PTPRD: variants seen among roughly 807,000 people sequenced by gnomAD.
PTPRD encodes the protein receptor-type tyrosine-protein phosphatase delta.
Under a neutral mutation model 214.5 loss-of-function variants are expected in PTPRD, and 34 were observed. The ratio of observed to expected loss-of-function variants is 0.16; its 90% CI spans 0.12 to 0.21. PTPRD has a LOEUF of 0.21. Ranked by LOEUF, PTPRD falls within the 10% of genes least tolerant of loss-of-function variation. The pLI, the probability that PTPRD is intolerant of heterozygous loss-of-function variation, is 1.00. For synonymous variants in PTPRD, 1,128 were observed against 845.7 expected (o/e 1.33, Z -5.79); for missense variants, 2,545 against 2,398.7 (o/e 1.06, Z -1.27).
At position 9,376,950 on chromosome 9, in the gene PTPRD, T is replaced by C. The variant is rs1328261026; in HGVS notation, c.-203+20499A>G. 4.6e-5 allele frequency among the ~76,000 whole-genome samples: 7 copies of C among 152,208 alleles called. No individual in the cohort carries two copies. The East Asian group carries it at 1.2e-3, about 25-fold the overall frequency. ...GCTAGGAGACCAAATCTCAGATCTA[T>C]ATTCTAGGGAGCACTCAATATAAAA... On this transcript the variant is annotated intron_variant, in intron 9 of 45. Transcript: ENST00000381196.
chr9:9,285,180 AT>A (rs1000432287), intron 9 of PTPRD, among the ~76,000 whole-genome samples: 4 of 151,526 alleles, frequency 2.6e-5, no homozygotes, highest in Non-Finnish European at 4.4e-5. Flanking sequence ...CAACTTTTTA[AT>A]TTTTTTCTCT....
At chr9:10,355,240 G>A (rs1464805661) in intron 2 of PTPRD, among the ~76,000 whole-genome samples, 1 of 152,048 alleles carries the variant, frequency 6.6e-6, no homozygotes, top group African/African-American at 2.4e-5. Flanking sequence ...ATAGAGCATT[G>A]TGTGAAATTT....
chr9:8,939,609 G>C (rs1588470098), intron 11 of PTPRD, among the ~76,000 whole-genome samples: 1 of 152,024 alleles, frequency 6.6e-6, no homozygotes. Flanking sequence ...ATTTCCAAAT[G>C]TGCTCTGCAC....
At chr9:9,604,474 T>C (rs967573794) in intron 7 of PTPRD, among the ~76,000 whole-genome samples, 2 of 152,102 alleles carry the variant, frequency 1.3e-5, no homozygotes, top group East Asian at 1.9e-4. Flanking sequence ...TTGTATGTTT[T>C]AGAATGTATG....
At chr9:9,149,670 AAGTT>A (rs2099874753) in intron 10 of PTPRD, among the ~76,000 whole-genome samples, 1 of 152,122 alleles carries the variant, frequency 6.6e-6, no homozygotes, top group South Asian at 2.1e-4. Context: ...ATGAAAAGTA[AAGTT>A]ATCTCACTTA....
intron 10 of PTPRD, among the ~76,000 whole-genome samples, chr9:9,055,527 C>G (rs1170997761): frequency 6.6e-6 from 1 of 152,046 alleles, no homozygotes; most frequent in Non-Finnish European, 1.5e-5. Flanking sequence ...GCCCAGCCAA[C>G]TTGGCACATA....
At chr9:8,835,050 C>A (rs868217050) in intron 11 of PTPRD, among the ~76,000 whole-genome samples, 2 of 152,092 alleles carry the variant, frequency 1.3e-5, no homozygotes, top group Non-Finnish European at 2.9e-5. Flanking sequence ...AGGCAAGGAC[C>A]CCAGGTTAAA....
chr9:9,649,130 G>A (rs1485221656), intron 7 of PTPRD, among the ~76,000 whole-genome samples: 1 of 152,108 alleles, frequency 6.6e-6, no homozygotes, highest in African/African-American at 2.4e-5. Flanking sequence ...TGTGACTAAT[G>A]AGATAGCGAC....
intron 10 of PTPRD, among the ~76,000 whole-genome samples, chr9:9,048,699 G>A (rs1247105239): frequency 6.6e-6 from 1 of 151,990 alleles, no homozygotes; most frequent in Non-Finnish European, 1.5e-5. Context: ...GGGGAGGTAG[G>A]GATGGTCTAT....
chr9:9,830,636 T>G (rs1450199081), intron 5 of PTPRD, among the ~76,000 whole-genome samples: 1 of 151,890 alleles, frequency 6.6e-6, no homozygotes, highest in Non-Finnish European at 1.5e-5. Context: ...CACCTGAGTG[T>G]GTTAGCCAAG....
rs185557583 is a variant in PTPRD at position 10,060,598 on chromosome 9, T to C, written c.-544-26808A>G. Among the ~76,000 whole-genome samples the C allele has an allele frequency of 8.6e-4, 131 of 152,116 alleles. 1 individual carries two copies. Among genetic ancestry groups the C allele is most frequent in the Admixed American group, 4.8e-3 (74 of 15,266 alleles). ...ATGTACATAAAAGGGAAATACAGTGTTAAAAGCAAATTGCATTTTTAATTG... is the reference window on the plus strand; with the variant it reads ...ATGTACATAAAAGGGAAATACAGTGCTAAAAGCAAATTGCATTTTTAATTG... On this transcript the variant is annotated intron_variant, in intron 3 of 45. Transcript: ENST00000381196.
Position 9,783,819 on chromosome 9 carries a change from G to GT in PTPRD, c.-367-16969dup, listed in dbSNP as rs71485303. Among the ~76,000 whole-genome samples, 240 of 137,472 alleles carry GT rather than the reference G, an allele frequency of 1.7e-3. 2 individuals are homozygous for GT. Among genetic ancestry groups the GT allele is most frequent in the South Asian group, 7.0e-3 (30 of 4,312 alleles). The allele number at this position is 137,472 out of a possible 152,430, so 90.2% of individuals were successfully genotyped here. On this transcript the variant is annotated intron_variant, in intron 5 of 45. Transcript: ENST00000381196. ...TTCATCTGTTTTTCTCTCCTGCTTC[G>GT]TTTTTTTTTTTTTTTTTTAATTAAA... is the stretch of plus-strand genomic sequence containing the variant.
intron 10 of PTPRD, among the ~76,000 whole-genome samples, chr9:9,117,974 TACA>T (rs921484313): frequency 3.9e-5 from 6 of 152,124 alleles, no homozygotes; most frequent in African/African-American, 1.4e-4. Context: ...ATTTTAAAAT[TACA>T]ACTATAAATT....
intron 10 of PTPRD, among the ~76,000 whole-genome samples, chr9:9,149,099 T>C (rs2099873464): frequency 6.6e-6 from 1 of 152,216 alleles, no homozygotes. Context: ...TTCCGCAGTC[T>C]GACTGTTTAG....
chr9:10,257,412 G>A (rs766225390), intron 3 of PTPRD, among the ~76,000 whole-genome samples: 3 of 152,104 alleles, frequency 2.0e-5, no homozygotes, highest in Non-Finnish European at 4.4e-5. Flanking sequence ...ATCCTTCTGA[G>A]CAAAATTGCT....
intron 31 of PTPRD, 81 bp downstream of exon 31, chr9:8,470,914 G>C: frequency 7.9e-7 from 1 of 1,263,576 alleles, no homozygotes; most frequent in East Asian, 2.3e-5. Context: ...ATTAGATCCT[G>C]AAAGGCCTCC....
At chr9:9,401,479 AG>A (rs1323200356) in intron 8 of PTPRD, among the ~76,000 whole-genome samples, 1 of 152,072 alleles carries the variant, frequency 6.6e-6, no homozygotes, top group Non-Finnish European at 1.5e-5. Context: ...TAACGGGGAA[AG>A]GAACTGAGTA....
chr9:9,914,465 G>A (rs907134602), intron 5 of PTPRD, among the ~76,000 whole-genome samples: 3 of 152,196 alleles, frequency 2.0e-5, no homozygotes, highest in Non-Finnish European at 4.4e-5. Context: ...ATAACCCTGT[G>A]CCTGCACTTA....
Position 8,317,472 on chromosome 9 carries a change from G to C in PTPRD, c.*402C>G, listed in dbSNP as rs939009928. The C allele has an allele frequency of 4.1e-6, 1 of 243,266 alleles. No individual in the cohort carries two copies. The highest frequency in any genetic ancestry group is 5.7e-5 in the East Asian group (1 of 17,530). 15.1% of individuals were successfully genotyped at this position (243,266 alleles called of 1,614,324 possible). A position where few individuals can be genotyped will look rare whatever the true frequency, so the allele number is the denominator to read the frequency against. ...AAGGGGCGATGTCAAAGCAGAGTCCGTTTCATTGTGAGAAGCCACACCAGC... is the reference window on the plus strand; with the variant it reads ...AAGGGGCGATGTCAAAGCAGAGTCCCTTTCATTGTGAGAAGCCACACCAGC... On this transcript the variant is annotated 3_prime_UTR_variant, in exon 46 of 46. Transcript: ENST00000381196.
Sources: gnomAD v4.1 joint callset for allele counts (sites outside exome capture counted in the v4.1 genomes callset) on GRCh38, gnomAD v4.1.1 for gene constraint, MANE v1.5 for transcripts, NCBI Gene and HGNC (gene_info 2026-07-23, HGNC 2026-07-21) for gene names.